Variants in ARHGAP10 observed in about 807,000 individuals in gnomAD.
ARHGAP10 encodes rho GTPase-activating protein 10.
ARHGAP10 carries 87 observed loss-of-function variants against 108.6 expected under a neutral mutation model. The observed-to-expected ratio is 0.80, with a 90% CI of 0.67 to 0.96. The LOEUF (loss-of-function observed/expected upper bound fraction) is 0.96. Among genes scored for constraint, ARHGAP10 ranks in the 40% least tolerant of loss-of-function variants. ARHGAP10 has a pLI of 0.00. For missense variants in ARHGAP10, 939 were observed against 954.5 expected, an observed-to-expected ratio of 0.98 and a Z score of 0.21; for synonymous variants, 347 against 341.1, an observed-to-expected ratio of 1.02 and a Z score of -0.19.
At chr4:148,069,845 C>G (rs988650771) in intron 22 of ARHGAP10, among the ~76,000 whole-genome samples, 2 of 152,150 alleles carry the variant, frequency 1.3e-5, no homozygotes, top group African/African-American at 2.4e-5. Flanking sequence ...ACCCTGAGGG[C>G]CTGTTTTGCA....
At chr4:147,999,308 A>C (rs538132365) in intron 18 of ARHGAP10, among the ~76,000 whole-genome samples, 4 of 152,368 alleles carry the variant, frequency 2.6e-5, no homozygotes, top group African/African-American at 9.6e-5. Context: ...CAGGCATTTG[A>C]GCCATCAATG....
chr4:147,783,446 A>G (rs1295213456), intron 1 of ARHGAP10, among the ~76,000 whole-genome samples: 1 of 142,442 alleles, frequency 7.0e-6, no homozygotes, highest in Non-Finnish European at 1.5e-5. Flanking sequence ...TATAATTTAT[A>G]TAGCACACAT....
At chr4:147,899,798 A>G (rs1736157601) in intron 10 of ARHGAP10, among the ~76,000 whole-genome samples, 1 of 151,730 alleles carries the variant, frequency 6.6e-6, no homozygotes, top group Non-Finnish European at 1.5e-5. Context: ...ACATTTCTAT[A>G]ACTTTAAAAA....
chr4:147,922,200 C>T (rs1560827836), intron 13 of ARHGAP10, among the ~76,000 whole-genome samples: 2 of 151,820 alleles, frequency 1.3e-5, no homozygotes, highest in Admixed American at 6.6e-5. Flanking sequence ...GACCCGAGGG[C>T]CATCAGGCAA....
intron 1 of ARHGAP10, among the ~76,000 whole-genome samples, chr4:147,757,863 A>C (rs1729444503): frequency 6.6e-6 from 1 of 152,142 alleles, no homozygotes; most frequent in Non-Finnish European, 1.5e-5. Context: ...TCTGGTGCCC[A>C]TCCCTGTCCA....
intron 16 of ARHGAP10, among the ~76,000 whole-genome samples, chr4:147,964,033 T>C (rs1739106054): frequency 6.6e-6 from 1 of 152,220 alleles, no homozygotes; most frequent in Non-Finnish European, 1.5e-5. Context: ...CGCCTTTTTA[T>C]TCTGATGTTT....
chr4:147,821,136 C>T (rs569308338), intron 1 of ARHGAP10, among the ~76,000 whole-genome samples: 4 of 152,212 alleles, frequency 2.6e-5, no homozygotes, highest in Non-Finnish European at 5.9e-5. Flanking sequence ...ATCAGTGAGC[C>T]GGCGAGCCTG....
At chr4:148,052,043 C>A (rs1430851803) in intron 20 of ARHGAP10, among the ~76,000 whole-genome samples, 1 of 152,156 alleles carries the variant, frequency 6.6e-6, no homozygotes, top group Non-Finnish European at 1.5e-5. Context: ...CCCGCTCCCC[C>A]AAATATGATT....
chr4:147,978,433 A>G (rs1739683332), intron 18 of ARHGAP10, among the ~76,000 whole-genome samples: 1 of 152,104 alleles, frequency 6.6e-6, no homozygotes. Context: ...TTGAATTGTA[A>G]TTCCCAGTGT....
At chr4:148,040,119 G>C (rs181710208) in intron 19 of ARHGAP10, among the ~76,000 whole-genome samples, 1 of 152,178 alleles carries the variant, frequency 6.6e-6, no homozygotes, top group African/African-American at 2.4e-5. Context: ...CCTAGGTGCT[G>C]GTTCAGAGCC....
chr4:147,951,883 A>G (rs1228341709), intron 15 of ARHGAP10, among the ~76,000 whole-genome samples: 7 of 152,202 alleles, frequency 4.6e-5, no homozygotes, highest in Admixed American at 2.0e-4. Flanking sequence ...CATAATCAAG[A>G]TAGTGACCCT....
intron 11 of ARHGAP10, among the ~76,000 whole-genome samples, chr4:147,909,110 C>T (rs1579187954): frequency 6.6e-6 from 1 of 152,156 alleles, no homozygotes; most frequent in Non-Finnish European, 1.5e-5. Context: ...CCTGTGAACC[C>T]CTCATCAGTT....
At chr4:147,771,783 A>G (rs1057352080) in intron 1 of ARHGAP10, among the ~76,000 whole-genome samples, 3 of 151,900 alleles carry the variant, frequency 2.0e-5, no homozygotes, top group Non-Finnish European at 2.9e-5. Flanking sequence ...CCACTCTTGC[A>G]ACTAAATTAG....
In ARHGAP10 at chr4:147,939,845, TAC is replaced by T. The variant is rs1271487247; in HGVS notation, c.1251_1252del (p.Tyr417Ter). The T allele has an allele frequency of 1.2e-6, 2 of 1,613,952 alleles. No individual in the cohort carries two copies. The highest frequency in any genetic ancestry group is 1.7e-6 in the Non-Finnish European group (2 of 1,179,946). The part of the protein sequence containing the change: ...ETRGINDQGL[Y>X]RVVGVSSKVQ... ...CATAGGTATAAATGACCAAGGATTG[TAC>T]AGAGTTGTGGGGGTGAGTTCAAAGG... On this transcript the variant is annotated frameshift_variant, in exon 14 of 23. Coordinates refer to ENST00000336498, the MANE Select transcript of ARHGAP10 (RefSeq NM_024605.4). LOFTEE classifies it high-confidence loss of function.
In ARHGAP10 at chr4:148,063,200, A is replaced by G. The variant is rs150043333; in HGVS notation, c.2080A>G (p.Thr694Ala). ...MVQWLNPQSP[T>A]TTSSNSAVTP... is the part of the protein sequence containing the mutation. ...CCAGTGGCTTAACCCACAGTCTCCA[A>G]CCACAACAAGCTCCAACTCAGCTGT... Residue 694 changes from threonine (T) to alanine (A), a missense_variant, in exon 21 of 23, where the codon ACC (threonine) becomes GCC (alanine). Transcript: ENST00000336498. 8.1e-6 allele frequency: 13 copies of G among 1,613,946 alleles called. No individual in the cohort carries two copies. Among genetic ancestry groups the G allele is most frequent in the African/African-American group, 5.3e-5 (4 of 74,888 alleles).
At chr4:147,782,572 C>T (rs565202702) in intron 1 of ARHGAP10, 119 of 151,936 alleles carry the variant, frequency 7.8e-4, no homozygotes, top group African/African-American at 2.7e-3. Flanking sequence ...TTTGTAAAGC[C>T]CTGTGTGGTA....
intron 18 of ARHGAP10, among the ~76,000 whole-genome samples, chr4:148,004,429 C>G (rs1740859852): frequency 6.6e-6 from 1 of 152,174 alleles, no homozygotes; most frequent in Non-Finnish European, 1.5e-5. Context: ...AAGATGACCT[C>G]CAGTGACCCA....
intron 3 of ARHGAP10, among the ~76,000 whole-genome samples, chr4:147,832,646 C>CAAAAAAAAAAAAAAA (rs776184630): frequency 7.9e-5 from 5 of 63,530 alleles, no homozygotes; most frequent in South Asian, 9.9e-4. Context: ...GACTCTGTCT[C>CAAAAAAAAAAAAAAA]AAAAAAAAAA....
chr4:147,995,506 T>C (rs1417653789), intron 18 of ARHGAP10, among the ~76,000 whole-genome samples: 1 of 152,214 alleles, frequency 6.6e-6, no homozygotes, highest in Non-Finnish European at 1.5e-5. Flanking sequence ...ATGTTTTCCT[T>C]ATGTATTTAC....
Sources: gnomAD v4.1 joint callset for allele counts (sites outside exome capture counted in the v4.1 genomes callset) on GRCh38, gnomAD v4.1.1 for gene constraint, MANE v1.5 for transcripts, NCBI Gene and HGNC (gene_info 2026-07-23, HGNC 2026-07-21) for gene names.